The following GLI3 variants were observed in gnomAD, a reference collection of about 807,000 sequenced individuals.
GLI3 encodes GLI family zinc finger 3.
Under a neutral mutation model 100.8 loss-of-function variants are expected in GLI3, and 20 were observed. That is an observed-to-expected ratio of 0.20 (90% CI 0.14 to 0.29). The LOEUF (loss-of-function observed/expected upper bound fraction) is 0.29. Ranked by LOEUF, GLI3 falls within the 10% of genes least tolerant of loss-of-function variation. The pLI, the probability that GLI3 is intolerant of heterozygous loss-of-function variation, is 1.00. For synonymous variants in GLI3, 938 were observed against 860.5 expected (o/e 1.09, Z -1.58); for missense variants, 2,040 against 2,128.5 (o/e 0.96, Z 0.82).
At chr7:42,014,611 A>G (rs1240557516) in intron 10 of GLI3, among the ~76,000 whole-genome samples, 1 of 151,974 alleles carries the variant, frequency 6.6e-6, no homozygotes, top group East Asian at 1.9e-4. Context: ...CTCATATCCA[A>G]TCTCCATGAG....
At position 41,965,564 on chromosome 7, in the gene GLI3, G is replaced by T; in HGVS notation, c.3509C>A (p.Ala1170Asp). 6.2e-7 allele frequency: 1 copy of T among 1,605,172 alleles called. No individual in the cohort carries two copies. Among genetic ancestry groups the T allele is most frequent in the East Asian group, 2.2e-5 (1 of 44,544 alleles). Reference sequence around the variant, plus strand: ...CTTGAGCTTGGAGGAGGACAGGTCGGCGCTTCCGGAGCTGACTTCGTTCCA... The same window carrying T: ...CTTGAGCTTGGAGGAGGACAGGTCGTCGCTTCCGGAGCTGACTTCGTTCCA... ...IQWNEVSSGS[A>D]DLSSSKLKCG... The change falls in exon 15 of 15, where the codon GCC (alanine) becomes GAC (aspartate). Residue 1170 changes from alanine (A) to aspartate (D), a missense_variant. Physicochemically the swap from Ala to Asp is moderately radical, Grantham distance 126. Coordinates refer to ENST00000395925, the MANE Select transcript of GLI3 (RefSeq NM_000168.6).
intron 3 of GLI3, among the ~76,000 whole-genome samples, chr7:42,099,122 G>A (rs765706030): frequency 2.0e-5 from 3 of 152,096 alleles, no homozygotes; most frequent in Admixed American, 6.5e-5. Context: ...TTCATGCTCC[G>A]CCCTCTTCCC....
At chr7:42,145,437 CA>C (rs1203415193) in intron 3 of GLI3, 2 of 397,330 alleles carry the variant, frequency 5.0e-6, no homozygotes, top group Admixed American at 8.8e-5. Flanking sequence ...TCTTCACTTA[CA>C]AAACAGAAAA....
At chr7:42,002,970 G>A (rs556837442) in intron 10 of GLI3, among the ~76,000 whole-genome samples, 1 of 152,288 alleles carries the variant, frequency 6.6e-6, no homozygotes, top group South Asian at 2.1e-4. Context: ...GACAAACCAA[G>A]CACTAGTTGC....
chr7:42,100,938 G>C (rs1190776248), intron 3 of GLI3, among the ~76,000 whole-genome samples: 2 of 152,150 alleles, frequency 1.3e-5, no homozygotes, highest in East Asian at 3.9e-4. Flanking sequence ...TGGACTTTCA[G>C]CTTCCAGAAC....
chr7:42,143,820 C>T (rs1786631464), intron 3 of GLI3, among the ~76,000 whole-genome samples: 1 of 152,152 alleles, frequency 6.6e-6, no homozygotes, highest in Non-Finnish European at 1.5e-5. Flanking sequence ...AGAACTACTG[C>T]TTAGGAGCAG....
chr7:42,116,638 A>G (rs1322062394), intron 3 of GLI3, among the ~76,000 whole-genome samples: 1 of 152,216 alleles, frequency 6.6e-6, no homozygotes, highest in Admixed American at 6.5e-5. Flanking sequence ...GCACGAGGGC[A>G]CAGCATTGGT....
At chr7:42,140,044 C>A (rs1031598511) in intron 3 of GLI3, among the ~76,000 whole-genome samples, 24 of 152,350 alleles carry the variant, frequency 1.6e-4, no homozygotes, top group African/African-American at 5.8e-4. Flanking sequence ...CACAAAGATT[C>A]TTCTCAAGTC....
At chr7:42,146,269 C>A (rs1390583056) in intron 3 of GLI3, among the ~76,000 whole-genome samples, 1 of 152,056 alleles carries the variant, frequency 6.6e-6, no homozygotes, top group African/African-American at 2.4e-5. Context: ...AATTCAGATC[C>A]CCCTAAGAGC....
upstream of GLI3, among the ~76,000 whole-genome samples, chr7:42,242,589 C>T (rs1788936371): frequency 6.6e-6 from 1 of 152,170 alleles, no homozygotes; most frequent in African/African-American, 2.4e-5. Context: ...ACCCCACTGA[C>T]TTCTCTTCCC....
chr7:42,258,984 T>C (rs1789113082), intron 1 of GLI3, among the ~76,000 whole-genome samples: 1 of 152,230 alleles, frequency 6.6e-6, no homozygotes, highest in Non-Finnish European at 1.5e-5. Flanking sequence ...TTGTCTGAAC[T>C]AGTTTGTTGT....
At chr7:42,023,800 AAC>A in intron 9 of GLI3, among the ~76,000 whole-genome samples, 192 bp from the exon 10 acceptor site, 1 of 152,338 alleles carries the variant, frequency 6.6e-6, no homozygotes, top group Non-Finnish European at 1.5e-5. Context: ...GAGAGTTTTA[AAC>A]GTCTGATTCA....
intron 2 of GLI3, among the ~76,000 whole-genome samples, chr7:42,196,787 G>A (rs1296406490): frequency 6.6e-6 from 1 of 151,998 alleles, no homozygotes; most frequent in Non-Finnish European, 1.5e-5. Flanking sequence ...CTAATCAAGA[G>A]GGAAAGAAAA....
At chr7:42,246,393 C>A (rs963558992) in intron 1 of GLI3, among the ~76,000 whole-genome samples, 1 of 152,180 alleles carries the variant, frequency 6.6e-6, no homozygotes, top group African/African-American at 2.4e-5. Context: ...AGTTTTAACT[C>A]TCTCCCAACA....
intron 10 of GLI3, among the ~76,000 whole-genome samples, chr7:42,014,364 T>C (rs148773130): frequency 6.6e-6 from 1 of 152,374 alleles, no homozygotes; most frequent in African/African-American, 2.4e-5. Flanking sequence ...CTGCATTACT[T>C]ATCATACCAC....
Position 41,967,582 on chromosome 7 carries a change from G to T in GLI3, c.2431+14C>A, listed in dbSNP as rs771581251. The stretch of plus-strand genomic sequence containing the variant: ...AAAACCCTGAGCAGATGCATGGTCT[G>T]ATGTAGAACTCACCATTTCCTATGA... On this transcript the variant is annotated intron_variant, in intron 14 of 14. Transcript: ENST00000395925. The T allele has an allele frequency of 1.3e-6, 2 of 1,581,940 alleles. No homozygotes were observed. The highest frequency in any genetic ancestry group is 3.3e-5 in the Admixed American group (2 of 59,898).
At position 42,233,135 on chromosome 7, in the gene GLI3, T is replaced by C. The variant is rs116215100; in HGVS notation, c.-43+3836A>G. Among the ~76,000 whole-genome samples, 769 of 152,316 alleles carry C rather than the reference T, an allele frequency of 5.0e-3. 5 individuals are homozygous for C. Among genetic ancestry groups the C allele is most frequent in the African/African-American group, 0.018 (736 of 41,560 alleles). ...ACAGCTCTCCTCCCTCTCCCTGGAG[T>C]GACTGGCCTTTCAATTTAAAAATAA... is the stretch of plus-strand genomic sequence containing the variant. On this transcript the variant is annotated intron_variant, in intron 1 of 14. Transcript: ENST00000395925.
chr7:42,076,822 C>G lies in GLI3; in HGVS notation c.403G>C (p.Val135Leu). Residue 135 changes from valine to leucine, a missense_variant, in exon 4 of 15, where the codon GTA (valine) becomes CTA (leucine). Physicochemically the swap from Val to Leu is conservative, Grantham distance 32. Transcript: ENST00000395925. Reference sequence around the variant, plus strand: ...TCATGATGTCTGGCATCAATTGGTACAGGAGGATGGAAGGCAGGGAAAAGA... The same window carrying G: ...TCATGATGTCTGGCATCAATTGGTAGAGGAGGATGGAAGGCAGGGAAAAGA... ...PHLFPAFHPP[V>L]PIDARHHEGR... 1 of 1,613,180 alleles carries G rather than the reference C, an allele frequency of 6.2e-7. No individual in the cohort carries two copies. The highest frequency in any genetic ancestry group is 8.5e-7 in the Non-Finnish European group (1 of 1,179,226).
chr7:42,165,259 T>G (rs2128673201), intron 2 of GLI3, among the ~76,000 whole-genome samples: 1 of 151,978 alleles, frequency 6.6e-6, no homozygotes, highest in Admixed American at 6.6e-5. Context: ...GTTACAAATC[T>G]TTGGCATTAT....
Sources: gnomAD v4.1 joint callset for allele counts (sites outside exome capture counted in the v4.1 genomes callset) on GRCh38, gnomAD v4.1.1 for gene constraint, MANE v1.5 for transcripts, NCBI Gene and HGNC (gene_info 2026-07-23, HGNC 2026-07-21) for gene names.